DCHS1: variants seen among roughly 807,000 people sequenced by gnomAD.
The protein encoded by DCHS1 is protocadherin-16.
DCHS1 carries 78 observed loss-of-function variants against 213.9 expected under a neutral mutation model. The observed-to-expected ratio is 0.36, with a 90% CI of 0.30 to 0.44. The LOEUF (loss-of-function observed/expected upper bound fraction) is 0.44, where lower values mean the gene tolerates loss of function less well. DCHS1 is among the 20% of genes least tolerant of loss of function. The probability of loss-of-function intolerance (pLI) is 1.00; values close to 1 mark genes in which losing one functional copy is unlikely to be tolerated. For synonymous variants in DCHS1, 1,828 were observed against 1,873.7 expected (o/e 0.98, Z 0.63); for missense variants, 3,946 against 4,395.9 (o/e 0.90, Z 2.89).
rs758194997 is a variant in DCHS1, at chr11:6,622,875, T to C, written c.8801A>G (p.Asn2934Ser). The C allele has an allele frequency of 1.3e-5, 20 of 1,596,948 alleles. No individual in the cohort carries two copies. The South Asian group carries it at 2.3e-4, about 18-fold the overall frequency. ...HTALGLAPDL[N>S]LLLVGAVAAS... ...TGCCACGGCCCCTACTAATAGCAGG[T>C]TGAGGTCAGGTGCCAGGCCCAGTGC... Residue 2934 changes from asparagine to serine, a missense_variant, in exon 21 of 21, where the codon AAC (asparagine) becomes AGC (serine). Around this residue, in one of 3 missense-constraint regions of DCHS1, gnomAD observed 554 missense variants for 590.2 expected, o/e 0.94. Coordinates refer to ENST00000299441, the MANE Select transcript of DCHS1 (RefSeq NM_003737.4). This position sits in a 1 kb window ranked among gnomAD's most constrained non-coding sequence, Gnocchi z 5.4.
chr11:6,625,724 C>T lies in DCHS1; in HGVS notation c.6735G>A (p.Leu2245=), dbSNP rs757564510. The T allele has an allele frequency of 6.2e-7, 1 of 1,602,406 alleles. No homozygotes were observed. Residue 2245 remains leucine, a synonymous_variant, in exon 18 of 21, where the codon TTG becomes TTA. Coordinates refer to ENST00000299441, the MANE Select transcript of DCHS1 (RefSeq NM_003737.4). The surrounding 1 kb of genome is among the most constrained non-coding windows in gnomAD (Gnocchi z 5.3). The stretch of plus-strand genomic sequence containing the variant: ...TCCCTCTGTCTGTGGCCATCAGCAC[C>T]AACCTGGACACAAAGCACAATCATC... ...LDREIWAETR[L]VLMATDRGSP...
intron 1 of DCHS1, among the ~76,000 whole-genome samples, chr11:6,655,045 C>T (rs1353510367): frequency 6.6e-6 from 1 of 152,246 alleles, no homozygotes; most frequent in East Asian, 1.9e-4. Context: ...CTTCTCTGTA[C>T]TTCTCCCCAC....
In DCHS1 at chr11:6,630,579, A is replaced by G. The variant is rs2659872; in HGVS notation, c.4215T>C (p.Leu1405=). 666,896 of 1,536,712 alleles carry G rather than the reference A, an allele frequency of 0.43. 149,290 individuals carry two copies. The highest frequency in any genetic ancestry group is 0.75 in the African/African-American group (54,444 of 72,406). ...CTCCCGGCCCCTCAGCGCGTACCGTAAGCGCGCGCCACGGCGGGCCAGCTT... is the reference window on the plus strand; with the variant it reads ...CTCCCGGCCCCTCAGCGCGTACCGTGAGCGCGCGCCACGGCGGGCCAGCTT... The part of the protein sequence containing the change: ...DFEAGPPWRA[L]TVRAEGPGGA... The change falls in exon 10 of 21, where the codon CTT becomes CTC. Residue 1405 remains leucine, a synonymous_variant. Coordinates refer to ENST00000299441, the MANE Select transcript of DCHS1 (RefSeq NM_003737.4).
Position 6,641,005 on chromosome 11 carries a change from T to C in DCHS1, c.609A>G (p.Pro203=), listed in dbSNP as rs1248628029. The C allele has an allele frequency of 6.2e-7, 1 of 1,614,018 alleles. No individual in the cohort carries two copies. Among genetic ancestry groups the C allele is most frequent in the East Asian group, 2.2e-5 (1 of 44,882 alleles). ...CCCCAGTAACTACCAGCTCAGGTAC[T>C]GGAGTCCCATCTGGACCGGGGCGTG... The part of the protein sequence containing the change: ...LETRPGPDGT[P]VPELVVTGEL... Residue 203 remains proline, a synonymous_variant, in exon 2 of 21, where the codon CCA becomes CCG. Transcript: ENST00000299441. The surrounding 1 kb of genome is among the most constrained non-coding windows in gnomAD (Gnocchi z 7.1).
chr11:6,635,667 T>A (rs575812495), intron 2 of DCHS1, among the ~76,000 whole-genome samples: 13 of 152,290 alleles, frequency 8.5e-5, no homozygotes, highest in African/African-American at 3.1e-4. Flanking sequence ...CTCTCTACTG[T>A]GGCTGTGGGC....
chr11:6,623,444 G>C lies in DCHS1; in HGVS notation c.8232C>G (p.Ser2744Arg). Residue 2744 changes from serine (S) to arginine (R), a missense_variant, in exon 21 of 21, where the codon AGC becomes AGG. Physicochemically the swap from Ser to Arg is moderately radical, Grantham distance 110. Transcript: ENST00000299441. ...CAGGTCCTGGCCCAGCCTCCAACAG[G>C]CTGTAACGGAGCCTCCCAAAAGCCC... ...DAGAFGRLRY[S>R]LLEAGPGPEG... 1 of 1,582,418 alleles carries C rather than the reference G, an allele frequency of 6.3e-7. No homozygotes were observed. The highest frequency in any genetic ancestry group is 8.6e-7 in the Non-Finnish European group (1 of 1,164,364).
At chr11:6,636,972 C>G (rs1401414701) in intron 2 of DCHS1, among the ~76,000 whole-genome samples, 1 of 152,230 alleles carries the variant, frequency 6.6e-6, no homozygotes, top group Non-Finnish European at 1.5e-5. Context: ...CAAACCTGCT[C>G]TAATGACTCT....
chr11:6,651,507 G>C (rs546831108), intron 1 of DCHS1, among the ~76,000 whole-genome samples: 1 of 152,198 alleles, frequency 6.6e-6, no homozygotes, highest in South Asian at 2.1e-4. Flanking sequence ...GAAGGCATTT[G>C]AATAATGCTG....
Position 6,622,544 on chromosome 11 carries a change from G to C in DCHS1, c.9132C>G (p.Ile3044Met). The change falls in exon 21 of 21, where the codon ATC (isoleucine) becomes ATG (methionine). Residue 3044 changes from isoleucine to methionine, a missense_variant. By Grantham distance (10) the Ile-to-Met change is conservative. Around this residue, in one of 3 missense-constraint regions of DCHS1, gnomAD observed 554 missense variants for 590.2 expected, o/e 0.94. Coordinates refer to ENST00000299441, the MANE Select transcript of DCHS1 (RefSeq NM_003737.4). This position sits in a 1 kb window ranked among gnomAD's most constrained non-coding sequence, Gnocchi z 5.4. ...CACGGGGGAACTCATTGATCATGCG[G>C]ATCTCATCATCCTCTGCAGCCTCTG... Reference protein sequence around the residue: ...GSAEAAEDDEIRMINEFPRVA... With the variant: ...GSAEAAEDDEMRMINEFPRVA... 6.3e-7 allele frequency: 1 copy of C among 1,581,574 alleles called. No homozygotes were observed. Among genetic ancestry groups the C allele is most frequent in the Middle Eastern group, 1.7e-4 (1 of 6,020 alleles).
intron 1 of DCHS1, among the ~76,000 whole-genome samples, chr11:6,643,689 C>G (rs146937213): frequency 6.6e-6 from 1 of 152,322 alleles, no homozygotes; most frequent in African/African-American, 2.4e-5. Context: ...CACTCCCATG[C>G]CTTCAGTTCA....
rs1313266257 is a variant in DCHS1 at position 6,627,337 on chromosome 11, G to T, written c.5702C>A (p.Ala1901Asp). Residue 1901 changes from alanine to aspartate, a missense_variant, in exon 14 of 21, where the codon GCC (alanine) becomes GAC (aspartate). Transcript: ENST00000299441. This position sits in a 1 kb window ranked among gnomAD's most constrained non-coding sequence, Gnocchi z 5.4. ...TYYLGAGTAG[A>D]FLLEPSSGEL... ...TCCAGAGCTGGGCTCCAGCAGGAAG[G>T]CTCCTGCTGTACCGGCGCCCAGGTA... 2 of 1,609,400 alleles carry T rather than the reference G, an allele frequency of 1.2e-6. No individual in the cohort carries two copies. The highest frequency in any genetic ancestry group is 1.7e-5 in the Admixed American group (1 of 59,108).
At position 6,632,952 on chromosome 11, in the gene DCHS1, G is replaced by C; in HGVS notation, c.2560C>G (p.Arg854Gly). Residue 854 changes from arginine (R) to glycine (G), a missense_variant, in exon 6 of 21, where the codon CGG becomes GGG. By Grantham distance (125) the Arg-to-Gly change is moderately radical (BLOSUM62 -2). This residue lies in a region of DCHS1 where 3,384 missense variants were observed against 3,780.1 expected (regional missense o/e 0.90). Transcript: ENST00000299441. The surrounding 1 kb of genome is among the most constrained non-coding windows in gnomAD (Gnocchi z 5.9). ...TCCAACACTGGTCCCAGTAGCTCCC[G>C]GTCCAGAGGGCGAAGTGTTTGCAAC... ...GLLQTLRPLD[R>G]ELLGPVLELE... is the part of the protein sequence containing the mutation. The C allele has an allele frequency of 1.9e-6, 3 of 1,614,028 alleles. No individual in the cohort carries two copies. The highest frequency in any genetic ancestry group is 2.5e-6 in the Non-Finnish European group (3 of 1,179,894).
chr11:6,636,838 C>T (rs557033918), intron 2 of DCHS1, among the ~76,000 whole-genome samples: 1 of 152,180 alleles, frequency 6.6e-6, no homozygotes, highest in Non-Finnish European at 1.5e-5. Context: ...TCTATACTTT[C>T]ACTCTAGACC....
chr11:6,631,848 A>C, intron 6 of DCHS1, 39 bp from the exon 7 acceptor site: 1 of 1,499,030 alleles, frequency 6.7e-7, no homozygotes, highest in Non-Finnish European at 8.9e-7. Context: ...GAGATGTTTA[A>C]GGATGCAGAG....
At position 6,639,891 on chromosome 11, in the gene DCHS1, C is replaced by T. The variant is rs1856039800; in HGVS notation, c.1723G>A (p.Glu575Lys). The change falls in exon 2 of 21, where the codon GAG becomes AAG. Residue 575 changes from glutamate to lysine, a missense_variant. Physicochemically the swap from Glu to Lys is moderately conservative, Grantham distance 56. This residue lies in a region of DCHS1 where 3,384 missense variants were observed against 3,780.1 expected (regional missense o/e 0.90). Coordinates refer to ENST00000299441, the MANE Select transcript of DCHS1 (RefSeq NM_003737.4). Reference protein sequence around the residue: ...SVALQDVNDNEPQFQRTFYNA... With the variant: ...SVALQDVNDNKPQFQRTFYNA... The stretch of plus-strand genomic sequence containing the variant: ...TAGAAAGTCCTCTGGAATTGGGGCT[C>T]ATTATCATTCACATCTTGCAGGGCC... 6.2e-7 allele frequency: 1 copy of T among 1,613,872 alleles called. No individual in the cohort carries two copies. The highest frequency in any genetic ancestry group is 8.5e-7 in the Non-Finnish European group (1 of 1,179,786).
At position 6,632,654 on chromosome 11, in the gene DCHS1, A is replaced by C; in HGVS notation, c.2858T>G (p.Met953Arg). Reference sequence around the variant, plus strand: ...CCCTCCTGAGGGCCCCAGAGGCCTCATAAGCCGTACATGGCCTGTGGTGGG... The same window carrying C: ...CCCTCCTGAGGGCCCCAGAGGCCTCCTAAGCCGTACATGGCCTGTGGTGGG... ...VDPTTGHVRL[M>R]RPLGPSGGPA... Residue 953 changes from methionine to arginine, a missense_variant, in exon 6 of 21, where the codon ATG (methionine) becomes AGG (arginine). Met to Arg is a moderately conservative substitution (Grantham distance 91, BLOSUM62 -1). This residue lies in a region of DCHS1 where 3,384 missense variants were observed against 3,780.1 expected (regional missense o/e 0.90). Transcript: ENST00000299441. The surrounding 1 kb of genome is among the most constrained non-coding windows in gnomAD (Gnocchi z 5.9). The C allele has an allele frequency of 6.4e-7, 1 of 1,566,008 alleles. No homozygotes were observed. Among genetic ancestry groups the C allele is most frequent in the Non-Finnish European group, 8.7e-7 (1 of 1,154,124 alleles).
Position 6,628,703 on chromosome 11 carries a change from G to A in DCHS1, c.5289C>T (p.Gly1763=), listed in dbSNP as rs1324381359. Residue 1763 remains glycine (G), a synonymous_variant, in exon 13 of 21, where the codon GGC becomes GGT. Transcript: ENST00000299441. The surrounding 1 kb of genome is among the most constrained non-coding windows in gnomAD (Gnocchi z 4.3). ...GCATGGTAAGGGTCTGGGGGTCCTG[G>A]CCCTCAGGCACCTCCAGAGAGAGAT... is the stretch of plus-strand genomic sequence containing the variant. ...SAHLSLEVPE[G]QDPQTLTMLR... is the part of the protein sequence containing the mutation. 1.2e-6 allele frequency: 2 copies of A among 1,613,892 alleles called. No homozygotes were observed. The highest frequency in any genetic ancestry group is 1.7e-6 in the Non-Finnish European group (2 of 1,179,892).
In DCHS1 at chr11:6,639,927, T is replaced by G; in HGVS notation, c.1687A>C (p.Thr563Pro). 6.2e-7 allele frequency: 1 copy of G among 1,614,020 alleles called. No individual in the cohort carries two copies. Among genetic ancestry groups the G allele is most frequent in the African/African-American group, 1.3e-5 (1 of 75,044 alleles). Residue 563 changes from threonine to proline, a missense_variant, in exon 2 of 21, where the codon ACA (threonine) becomes CCA (proline). Thr to Pro is a conservative substitution (Grantham distance 38). This residue lies in a region of DCHS1 where 3,384 missense variants were observed against 3,780.1 expected (regional missense o/e 0.90). Coordinates refer to ENST00000299441, the MANE Select transcript of DCHS1 (RefSeq NM_003737.4). Reference sequence around the variant, plus strand: ...ACATCTTGCAGGGCCACGCTAACTGTGGCAGAGGAGGCTAGAGGGGGCAGG... The same window carrying G: ...ACATCTTGCAGGGCCACGCTAACTGGGGCAGAGGAGGCTAGAGGGGGCAGG... The part of the protein sequence containing the change: ...GGLPPLASSA[T>P]VSVALQDVND...
At position 6,628,518 on chromosome 11, in the gene DCHS1, G is replaced by GA; in HGVS notation, c.5371+102dup. ...AGAAAAGGTGGACGACATCAAGAGG[G>GA]AAAAGGAGACCCAGACACATGCACT... On this transcript the variant is annotated intron_variant, in intron 13 of 20. Transcript: ENST00000299441. The surrounding 1 kb of genome is among the most constrained non-coding windows in gnomAD (Gnocchi z 4.3). 7.5e-7 allele frequency: 1 copy of GA among 1,337,016 alleles called. No homozygotes were observed. Among genetic ancestry groups the GA allele is most frequent in the East Asian group, 2.3e-5 (1 of 42,620 alleles). The allele number at this position is 1,337,016 out of a possible 1,614,324, so 82.8% of individuals were successfully genotyped here. A position where few individuals can be genotyped will look rare whatever the true frequency, so the allele number is the denominator to read the frequency against.
Sources: gnomAD v4.1 joint callset for allele counts (sites outside exome capture counted in the v4.1 genomes callset) on GRCh38, gnomAD v4.1.1 for gene constraint, gnomAD v4.1.1 regional missense constraint, Gnocchi (gnomAD v3.1) non-coding constraint, MANE v1.5 for transcripts, NCBI Gene and HGNC (gene_info 2026-07-23, HGNC 2026-07-21) for gene names.